MYO10: variants seen among roughly 807,000 people sequenced by gnomAD.
MYO10 encodes the protein unconventional myosin-X.
In MYO10, 133 loss-of-function variants were observed where a neutral mutation model predicts 257.3. That is an observed-to-expected ratio of 0.52 (90% CI 0.45 to 0.60). The LOEUF (loss-of-function observed/expected upper bound fraction) is 0.60. Ranked by LOEUF, MYO10 falls within the 20% of genes least tolerant of loss-of-function variation. MYO10 has a pLI of 0.00. For missense variants in MYO10, 2,399 were observed against 2,635.7 expected (o/e 0.91, Z 1.97); for synonymous variants, 1,104 against 1,028.6 (o/e 1.07, Z -1.40).
At chr5:16,765,249 G>T (rs1047277819) in intron 11 of MYO10, among the ~76,000 whole-genome samples, 1 of 152,054 alleles carries the variant, frequency 6.6e-6, no homozygotes, top group African/African-American at 2.4e-5. Context: ...TTAATCTGGT[G>T]GGCACAAGCT....
rs142298198 is a variant in MYO10 at position 16,868,096 on chromosome 5, A to G, written c.120+9513T>C. On this transcript the variant is annotated intron_variant, in intron 2 of 40. Coordinates refer to ENST00000513610, the MANE Select transcript of MYO10 (RefSeq NM_012334.3). ...AACTATTTCAGAGCAATCAAATTAG[A>G]CTCTTTCCAGAAAAAGATAATAAAA... Among the ~76,000 whole-genome samples, 111 of 152,354 alleles carry G rather than the reference A, an allele frequency of 7.3e-4. No individual in the cohort carries two copies. The East Asian group carries it at 0.019, about 26-fold the overall frequency.
At chr5:16,782,371 T>C (rs1438950978) in intron 5 of MYO10, among the ~76,000 whole-genome samples, 3 of 152,176 alleles carry the variant, frequency 2.0e-5, no homozygotes, top group Admixed American at 2.0e-4. Flanking sequence ...TCTGCCACTA[T>C]AGCCTAAAAG....
At chr5:16,708,719 G>A (rs536119658) in intron 21 of MYO10, among the ~76,000 whole-genome samples, 15 of 152,134 alleles carry the variant, frequency 9.9e-5, no homozygotes, top group East Asian at 3.9e-4. Context: ...ATGCCACCAC[G>A]CCTGGCTAAT....
At chr5:16,879,943 C>T (rs115971709) in intron 1 of MYO10, among the ~76,000 whole-genome samples, 3,968 of 152,228 alleles carry the variant, frequency 0.026, 162 homozygotes, top group African/African-American at 0.091. Context: ...TTTCGAAGGC[C>T]GAGATGGGTA....
In MYO10 at chr5:16,670,518, G is replaced by A. The variant is rs1736397322; in HGVS notation, c.5883+8C>T. ...AGCCCACCCCAACACACGGCAGCCA[G>A]TTCTCACCTCCACATCAAACAGCGT... On this transcript the variant is annotated splice_region_variant and intron_variant, in intron 39 of 40. Coordinates refer to ENST00000513610, the MANE Select transcript of MYO10 (RefSeq NM_012334.3). The A allele has an allele frequency of 6.3e-7, 1 of 1,592,516 alleles. No homozygotes were observed. The highest frequency in any genetic ancestry group is 1.1e-5 in the South Asian group (1 of 87,464).
At chr5:16,703,880 CAAAAAAAAAAAA>C (rs55980169) in intron 22 of MYO10, among the ~76,000 whole-genome samples, 12 of 76,948 alleles carry the variant, frequency 1.6e-4, no homozygotes, top group Admixed American at 3.2e-4. Context: ...GACTCTGTCT[CAAAAAAAAAAAA>C]AAAAAAAAAA....
intron 25 of MYO10, 127 bp downstream of exon 25, chr5:16,700,836 T>G: frequency 8.3e-7 from 1 of 1,205,018 alleles, no homozygotes; most frequent in Middle Eastern, 2.9e-4. Context: ...TAAGATGATC[T>G]CTAAGACCAC....
intron 32 of MYO10, among the ~76,000 whole-genome samples, chr5:16,680,493 T>C (rs1394933479): frequency 2.0e-5 from 3 of 152,164 alleles, no homozygotes; most frequent in African/African-American, 4.8e-5. Context: ...TTCCTTTCTT[T>C]AGCCTCTCCC....
chr5:16,846,881 G>T (rs1209010636), intron 2 of MYO10, among the ~76,000 whole-genome samples: 2 of 152,212 alleles, frequency 1.3e-5, no homozygotes, highest in African/African-American at 4.8e-5. Flanking sequence ...ACTTTGGGAG[G>T]CTGAGGCAGG....
chr5:16,812,761 CT>C (rs1045201391), intron 3 of MYO10, among the ~76,000 whole-genome samples: 1 of 152,124 alleles, frequency 6.6e-6, no homozygotes, highest in Non-Finnish European at 1.5e-5. Flanking sequence ...ACTTCTTTTA[CT>C]TTAAAACATC....
At chr5:16,850,754 G>A (rs1318905036) in intron 2 of MYO10, among the ~76,000 whole-genome samples, 1 of 148,036 alleles carries the variant, frequency 6.8e-6, no homozygotes, top group Non-Finnish European at 1.5e-5. Context: ...TGGGGAAGGG[G>A]GCTGGTCTAG....
intron 2 of MYO10, among the ~76,000 whole-genome samples, chr5:16,827,813 A>G (rs1477918444): frequency 1.3e-5 from 2 of 152,182 alleles, no homozygotes; most frequent in Non-Finnish European, 2.9e-5. Context: ...AGCTGCATGC[A>G]TCAGACATTG....
intron 18 of MYO10, among the ~76,000 whole-genome samples, 151 bp from the exon 19 acceptor site, chr5:16,755,059 CT>C (rs1209594759): frequency 6.6e-6 from 1 of 152,106 alleles, no homozygotes; most frequent in Non-Finnish European, 1.5e-5. Context: ...AATTGTCATT[CT>C]AATATAAAAT....
At chr5:16,880,013 A>G (rs991392291) in intron 1 of MYO10, among the ~76,000 whole-genome samples, 3 of 152,092 alleles carry the variant, frequency 2.0e-5, no homozygotes, top group Admixed American at 1.3e-4. Flanking sequence ...CCGCGTGTCT[A>G]CCAAAAAAGT....
chr5:16,803,590 T>G (rs1025727698), intron 3 of MYO10, among the ~76,000 whole-genome samples: 1 of 152,224 alleles, frequency 6.6e-6, no homozygotes, highest in East Asian at 1.9e-4. Flanking sequence ...AAAGATATTA[T>G]GTTGTGGCTG....
intron 2 of MYO10, among the ~76,000 whole-genome samples, chr5:16,822,955 G>A (rs1015688469): frequency 2.0e-5 from 3 of 151,984 alleles, no homozygotes; most frequent in African/African-American, 7.2e-5. Flanking sequence ...CCAAAGTGCT[G>A]GGATTACAGG....
chr5:16,732,555 C>G (rs1332906301), intron 19 of MYO10, among the ~76,000 whole-genome samples: 1 of 152,110 alleles, frequency 6.6e-6, no homozygotes, highest in Non-Finnish European at 1.5e-5. Context: ...CTGAGAAATA[C>G]AAATTAGGAG....
chr5:16,823,450 G>GT (rs1485962927), intron 2 of MYO10, among the ~76,000 whole-genome samples: 1 of 17,584 alleles, frequency 5.7e-5, no homozygotes, highest in African/African-American at 2.0e-4. Flanking sequence ...ATCTTGCGCG[G>GT]GGGGGGGGGG....
chr5:16,806,159 A>C (rs1742269751), intron 3 of MYO10, among the ~76,000 whole-genome samples: 1 of 151,626 alleles, frequency 6.6e-6, no homozygotes, highest in Non-Finnish European at 1.5e-5. Context: ...AGCCTGGCCA[A>C]CATGGCAAAA....
Sources: allele counts gnomAD v4.1 joint callset (sites outside exome capture counted in the v4.1 genomes callset), GRCh38; gene constraint gnomAD v4.1.1; transcripts MANE v1.5; gene names NCBI Gene and HGNC (gene_info 2026-07-23, HGNC 2026-07-21).